The following PABIR2 variants were observed in gnomAD, a reference collection of about 807,000 sequenced individuals.
PABIR2 encodes PABIR family member 2.
In PABIR2, 7 loss-of-function variants were observed where a neutral mutation model predicts 22.8. The ratio of observed to expected loss-of-function variants is 0.31; its 90% CI spans 0.17 to 0.58. The LOEUF is 0.58. Among genes scored for constraint, PABIR2 ranks in the 20% least tolerant of loss-of-function variants. The pLI is 0.89. For synonymous variants in PABIR2, 67 were observed against 73.8 expected, an observed-to-expected ratio of 0.91 and a Z score of 0.47; for missense variants, 155 against 205.1, an observed-to-expected ratio of 0.76 and a Z score of 1.49.
chrX:134,790,155 A>G (rs930935115), intron 2 of PABIR2, among the ~76,000 whole-genome samples: 3 of 112,533 alleles, frequency 2.7e-5, no homozygotes, highest in Non-Finnish European at 5.6e-5. Flanking sequence ...AAATCTCATC[A>G]TATGCTATCA....
At chrX:134,791,341 C>T (rs940772809) in intron 2 of PABIR2, among the ~76,000 whole-genome samples, 3 of 111,259 alleles carry the variant, frequency 2.7e-5, no homozygotes, top group Non-Finnish European at 5.7e-5. Flanking sequence ...TTTGCAAGAA[C>T]AGTTTTTTAA....
In PABIR2 at chrX:134,796,170, A is replaced by C; in HGVS notation, c.36T>G (p.Pro12=). ...AQEKMELDLE[P]DTSYGGTLRR... is the part of the protein sequence containing the mutation. ...TCAGGGTTCCCCCATAAGATGTGTCAGGCTCAAGGTCCAGCTCCATTTTCT... is the reference window on the plus strand; with the variant it reads ...TCAGGGTTCCCCCATAAGATGTGTCCGGCTCAAGGTCCAGCTCCATTTTCT... Residue 12 remains proline (P), a synonymous_variant, in exon 1 of 10, where the codon CCT becomes CCG. Coordinates refer to ENST00000343004, the MANE Select transcript of PABIR2 (RefSeq NM_001387468.1). 1 of 1,210,726 alleles carries C rather than the reference A, an allele frequency of 8.3e-7. No homozygotes were observed. Among genetic ancestry groups the C allele is most frequent in the Non-Finnish European group, 1.1e-6 (1 of 895,205 alleles).
chrX:134,771,948 A>G lies in PABIR2; in HGVS notation c.*191T>C. On this transcript the variant is annotated 3_prime_UTR_variant, in exon 10 of 10. Transcript: ENST00000343004. ...TCCAAAATGAGATCAGCAAAACCAG[A>G]TACTAGTAAGGTCACTAGGCTCACA... is the stretch of plus-strand genomic sequence containing the variant. 1.0e-6 allele frequency: 1 copy of G among 958,308 alleles called. No homozygotes were observed. Among genetic ancestry groups the G allele is most frequent in the Non-Finnish European group, 1.3e-6 (1 of 767,658 alleles). 79.0% of individuals were successfully genotyped at this position (958,308 alleles called of 1,213,427 possible).
intron 1 of PABIR2, 32 bp from the exon 2 acceptor site, chrX:134,793,925 A>G: frequency 8.4e-7 from 1 of 1,191,869 alleles, no homozygotes; most frequent in Non-Finnish European, 1.1e-6. Flanking sequence ...AAACAAAAAA[A>G]ACAAAATTAG....
At chrX:134,780,749 G>C (rs780223965) in intron 9 of PABIR2, among the ~76,000 whole-genome samples, 2 of 111,579 alleles carry the variant, frequency 1.8e-5, no homozygotes, top group Non-Finnish European at 3.8e-5. Flanking sequence ...TCCTTCCAAT[G>C]TGCACATGAG....
rs1465001081 is a variant in PABIR2, at chrX:134,796,272, ACT to A, written c.-69_-68del. On this transcript the variant is annotated 5_prime_UTR_variant, in exon 1 of 10. Transcript: ENST00000343004. ...TGGTGCTTAGCTATGGACTCCCAAG[ACT>A]CTCACTGCAGGACTGAGCTGCTGGG... 66 of 821,557 alleles carry A rather than the reference ACT, an allele frequency of 8.0e-5. No homozygotes were observed. The highest frequency in any genetic ancestry group is 2.2e-4 in the East Asian group (4 of 18,394). The allele number at this position is 821,557 out of a possible 1,213,427, so 67.7% of individuals were successfully genotyped here. A position where few individuals can be genotyped will look rare whatever the true frequency, so the allele number is the denominator to read the frequency against.
At chrX:134,776,328 C>T (rs1270924518) in intron 9 of PABIR2, among the ~76,000 whole-genome samples, 2 of 111,197 alleles carry the variant, frequency 1.8e-5, no homozygotes, top group South Asian at 3.8e-4. Context: ...GTAAGTTTTC[C>T]GTTCATAAAA....
In PABIR2 at chrX:134,771,780, T is replaced by G; in HGVS notation, c.*359A>C. On this transcript the variant is annotated 3_prime_UTR_variant, in exon 10 of 10. Transcript: ENST00000343004. ...TTTCTGATCAAATCTGTCATATCAC[T>G]GCTGCGGAAAAGGACCATTAAAGGC... 1 of 816,121 alleles carries G rather than the reference T, an allele frequency of 1.2e-6. No individual in the cohort carries two copies. Among genetic ancestry groups the G allele is most frequent in the Non-Finnish European group, 1.5e-6 (1 of 680,303 alleles). 67.3% of individuals were successfully genotyped at this position (816,121 alleles called of 1,213,427 possible). A position where few individuals can be genotyped will look rare whatever the true frequency, so the allele number is the denominator to read the frequency against.
Position 134,771,675 on chromosome X carries a change from T to C in PABIR2, c.*464A>G. On this transcript the variant is annotated 3_prime_UTR_variant, in exon 10 of 10. Transcript: ENST00000343004. ...AAATTTAATATAATTAAAAGCAATT[T>C]ATATATCATCATGAAATAAAGAGAG... 4 of 787,235 alleles carry C rather than the reference T, an allele frequency of 5.1e-6. No homozygotes were observed. The highest frequency in any genetic ancestry group is 6.1e-6 in the Non-Finnish European group (4 of 657,366). 64.9% of individuals were successfully genotyped at this position (787,235 alleles called of 1,213,427 possible).
At chrX:134,791,702 G>A (rs891930899) in intron 2 of PABIR2, 4 of 326,766 alleles carry the variant, frequency 1.2e-5, no homozygotes, top group African/African-American at 1.1e-4. Context: ...ATTTACACAA[G>A]ATAGGTGTCT....
rs772436056 is a variant in PABIR2, at chrX:134,796,092, C to A, written c.98+16G>T. On this transcript the variant is annotated intron_variant, in intron 1 of 9. Coordinates refer to ENST00000343004, the MANE Select transcript of PABIR2 (RefSeq NM_001387468.1). Reference sequence around the variant, plus strand: ...GCCCCTGAATCCTGTACTCCATCCTCCCCAACCCTGCTCACCTGAGCCCAT... The same window carrying A: ...GCCCCTGAATCCTGTACTCCATCCTACCCAACCCTGCTCACCTGAGCCCAT... 1 of 1,204,742 alleles carries A rather than the reference C, an allele frequency of 8.3e-7. No individual in the cohort carries two copies. Among genetic ancestry groups the A allele is most frequent in the South Asian group, 1.8e-5 (1 of 56,668 alleles).
chrX:134,795,164 T>A (rs2079703435), intron 1 of PABIR2, among the ~76,000 whole-genome samples: 1 of 111,831 alleles, frequency 8.9e-6, no homozygotes, highest in Non-Finnish European at 1.9e-5. Context: ...AAATTATACT[T>A]AATAAATGAA....
At chrX:134,781,208 A>C (rs1367399058) in intron 9 of PABIR2, among the ~76,000 whole-genome samples, 1 of 112,993 alleles carries the variant, frequency 8.9e-6, no homozygotes, top group East Asian at 2.8e-4. Context: ...ATATATTTCC[A>C]AATGAAATAC....
chrX:134,795,912 T>C (rs959100895), intron 1 of PABIR2, among the ~76,000 whole-genome samples, 196 bp downstream of exon 1: 17 of 111,539 alleles, frequency 1.5e-4, no homozygotes, highest in African/African-American at 5.2e-4. Flanking sequence ...GACCGTTTCC[T>C]CCACACTGCC....
rs1371613403 is a variant in PABIR2 at position 134,796,934 on chromosome X, G to A, written c.-729C>T. On this transcript the variant is annotated 5_prime_UTR_variant, in exon 1 of 10. Transcript: ENST00000343004. ...TCGGGGACCCGGTCCAGCCCCCCAT[G>A]CTCCCGGACCCGGTCCCGGAGGCTC... is the stretch of plus-strand genomic sequence containing the variant. 9.0e-6 allele frequency: 1 copy of A among 111,642 alleles called. No individual in the cohort carries two copies. Among genetic ancestry groups the A allele is most frequent in the Admixed American group, 9.3e-5 (1 of 10,737 alleles). 9.2% of individuals were successfully genotyped at this position (111,642 alleles called of 1,213,427 possible).
At position 134,789,150 on chromosome X, in the gene PABIR2, C is replaced by A. The variant is rs751795110; in HGVS notation, c.279-11G>T. ...GCCGTTTGCATTTCCCTAAAATAAA[C>A]AAAGGGAAGGGCCGTCAGTGTTTAC... On this transcript the variant is annotated splice_polypyrimidine_tract_variant and intron_variant, in intron 4 of 9. Coordinates refer to ENST00000343004, the MANE Select transcript of PABIR2 (RefSeq NM_001387468.1). 5 of 1,211,886 alleles carry A rather than the reference C, an allele frequency of 4.1e-6. No individual in the cohort carries two copies. The highest frequency in any genetic ancestry group is 4.5e-6 in the Non-Finnish European group (4 of 895,465).
At chrX:134,795,388 G>A (rs746774541) in intron 1 of PABIR2, among the ~76,000 whole-genome samples, 1 of 111,467 alleles carries the variant, frequency 9.0e-6, no homozygotes, top group South Asian at 3.7e-4. Context: ...AAATACAATA[G>A]GCTCAGGAGG....
intron 9 of PABIR2, among the ~76,000 whole-genome samples, chrX:134,776,796 T>G (rs1316860738): frequency 8.9e-6 from 1 of 112,065 alleles, no homozygotes; most frequent in Non-Finnish European, 1.9e-5. Context: ...CTCCTTTTGT[T>G]GGGTGGGGCA....
rs1286223220 is a variant in PABIR2 at position 134,784,208 on chromosome X, ACCTGTAAT to A, written c.562+1670_562+1677del. 4.6e-5 allele frequency among the ~76,000 whole-genome samples: 5 copies of A among 109,772 alleles called. No homozygotes were observed. The East Asian group carries it at 1.2e-3, about 25-fold the overall frequency. ...TTGCCGGCTGGGCGTGGTGGCTCAT[ACCTGTAAT>A]CCCAGCACTTTGGGAGGCCGAGGCA... is the stretch of plus-strand genomic sequence containing the variant. On this transcript the variant is annotated intron_variant, in intron 8 of 9. Coordinates refer to ENST00000343004, the MANE Select transcript of PABIR2 (RefSeq NM_001387468.1).
Sources: gnomAD v4.1 joint callset for allele counts (sites outside exome capture counted in the v4.1 genomes callset) on GRCh38, gnomAD v4.1.1 for gene constraint, MANE v1.5 for transcripts, NCBI Gene and HGNC (gene_info 2026-07-23, HGNC 2026-07-21) for gene names.